The following PARG variants were observed in gnomAD, a reference collection of about 807,000 sequenced individuals.
The protein encoded by PARG is mitochondrial poly(ADP-ribose) glycohydrolase.
PARG carries 35 observed loss-of-function variants against 113.0 expected under a neutral mutation model. The ratio of observed to expected loss-of-function variants is 0.31; its 90% confidence interval spans 0.24 to 0.41. PARG has a LOEUF of 0.41. Among genes scored for constraint, PARG ranks in the 10% least tolerant of loss-of-function variants. The probability of loss-of-function intolerance (pLI) is 1.00; values close to 1 mark genes in which losing one functional copy is unlikely to be tolerated. For missense variants in PARG, 797 were observed against 1,169.4 expected (o/e 0.68, Z 4.64); for synonymous variants, 330 against 409.9 (o/e 0.81, Z 2.36).
In PARG at chr10:49,893,992, C is replaced by T. The variant is rs538837260; in HGVS notation, c.1738-8697G>A. Among the ~76,000 whole-genome samples, 4 of 152,130 alleles carry T rather than the reference C, an allele frequency of 2.6e-5. No homozygotes were observed. In the South Asian group the frequency reaches 8.3e-4, roughly 32 times the overall value. On this transcript the variant is annotated intron_variant, in intron 7 of 17. Transcript: ENST00000616448. ...GGATTACAAGTGTGAGCCACCATGCCCGGCCTAATTTTTGGATTTTTAATA... is the reference window on the plus strand; with the variant it reads ...GGATTACAAGTGTGAGCCACCATGCTCGGCCTAATTTTTGGATTTTTAATA...
At chr10:49,903,333 C>A (rs1195523086) in intron 7 of PARG, among the ~76,000 whole-genome samples, 2 of 152,056 alleles carry the variant, frequency 1.3e-5, no homozygotes, top group Non-Finnish European at 2.9e-5. Flanking sequence ...CTGGCCTTAC[C>A]TTTTCTCTCT....
intron 9 of PARG, among the ~76,000 whole-genome samples, chr10:49,870,671 G>A (rs1395202437): frequency 6.6e-6 from 1 of 151,714 alleles, no homozygotes; most frequent in Admixed American, 6.6e-5. Flanking sequence ...GCATGCTTTT[G>A]AGCATAAGAT....
At chr10:49,897,394 C>G (rs1271862261) in intron 7 of PARG, among the ~76,000 whole-genome samples, 1 of 152,156 alleles carries the variant, frequency 6.6e-6, no homozygotes, top group Non-Finnish European at 1.5e-5. Context: ...CCCTGGGAAG[C>G]CTTCACTGAT....
At chr10:49,925,671 A>G (rs141789483) in intron 4 of PARG, among the ~76,000 whole-genome samples, 2,268 of 152,352 alleles carry the variant, frequency 0.015, 51 homozygotes, top group African/African-American at 0.05. Flanking sequence ...AAAAGGGAAG[A>G]ACTATGGAAA....
chr10:49,841,098 T>G (rs1301321409), intron 15 of PARG, among the ~76,000 whole-genome samples: 1 of 151,594 alleles, frequency 6.6e-6, no homozygotes, highest in African/African-American at 2.4e-5. Context: ...ACTAAAAATA[T>G]AAAAATTAGC....
At chr10:49,919,982 T>C (rs1186634980) in intron 6 of PARG, among the ~76,000 whole-genome samples, 1 of 152,132 alleles carries the variant, frequency 6.6e-6, no homozygotes, top group East Asian at 1.9e-4. Context: ...CAGCATACTA[T>C]TTTGGGGTTT....
In PARG at chr10:49,819,334, G is replaced by C. The variant is rs557191952; in HGVS notation, c.*6C>G. ...AGGTGGGAGGAGATGCTATTCGCTC[G>C]GCTCCTCAGGTCCCTGTCCTTTGCC... On this transcript the variant is annotated 3_prime_UTR_variant, in exon 18 of 18. Coordinates refer to ENST00000616448, the MANE Select transcript of PARG (RefSeq NM_003631.5). The C allele has an allele frequency of 3.6e-5, 55 of 1,548,328 alleles. No homozygotes were observed. In the Middle Eastern group the frequency reaches 8.4e-4, roughly 24 times the overall value.
intron 4 of PARG, among the ~76,000 whole-genome samples, chr10:49,927,161 G>C (rs1305220310): frequency 6.6e-6 from 1 of 151,964 alleles, no homozygotes; most frequent in African/African-American, 2.4e-5. Context: ...ACAAAAATTA[G>C]TTAGGCATTG....
intron 16 of PARG, among the ~76,000 whole-genome samples, chr10:49,831,137 A>G (rs1459802392): frequency 6.6e-6 from 1 of 152,190 alleles, no homozygotes; most frequent in Non-Finnish European, 1.5e-5. Flanking sequence ...AGTTACATAC[A>G]TTGCTACTGA....
intron 1 of PARG, among the ~76,000 whole-genome samples, chr10:49,940,506 TTTTTGTTTTG>T (rs1294850084): frequency 1.4e-4 from 21 of 147,414 alleles, no homozygotes; most frequent in African/African-American, 1.8e-4. Flanking sequence ...TGCACTCCTG[TTTTTGTTTTG>T]TTTTGTTTTG....
intron 15 of PARG, among the ~76,000 whole-genome samples, chr10:49,837,662 C>T (rs1346481410): frequency 1.3e-5 from 2 of 152,064 alleles, no homozygotes; most frequent in African/African-American, 4.8e-5. Context: ...GATTAAGTTG[C>T]CAATGACATT....
chr10:49,930,288 T>C (rs1470951960), intron 4 of PARG, among the ~76,000 whole-genome samples: 1 of 150,904 alleles, frequency 6.6e-6, no homozygotes, highest in Admixed American at 6.6e-5. Flanking sequence ...AGCACCTCTA[T>C]GTGGCACAAT....
In PARG at chr10:49,841,263, GAAAA is replaced by G. The variant is rs782019363; in HGVS notation, c.2541+683_2541+686del. On this transcript the variant is annotated intron_variant, in intron 15 of 17. Coordinates refer to ENST00000616448, the MANE Select transcript of PARG (RefSeq NM_003631.5). Reference sequence around the variant, plus strand: ...AGCGAAACTCCATCTCAAAAAAAAAGAAAAAAAGAAAAAAAAGAAAATCTCTGCT... The same window carrying G: ...AGCGAAACTCCATCTCAAAAAAAAAGAAAGAAAAAAAAGAAAATCTCTGCT... Among the ~76,000 whole-genome samples the G allele has an allele frequency of 7.3e-5, 11 of 150,642 alleles. No individual in the cohort carries two copies. The East Asian group carries it at 1.8e-3, about 24-fold the overall frequency.
intron 7 of PARG, among the ~76,000 whole-genome samples, chr10:49,910,268 C>T (rs375782137): frequency 2.0e-5 from 3 of 151,606 alleles, no homozygotes; most frequent in African/African-American, 4.9e-5. Flanking sequence ...ATAACTACAG[C>T]GAAGACAAAA....
At chr10:49,919,765 C>T (rs1368597174) in intron 6 of PARG, among the ~76,000 whole-genome samples, 1 of 152,080 alleles carries the variant, frequency 6.6e-6, no homozygotes, top group Non-Finnish European at 1.5e-5. Flanking sequence ...GATTTTTTTC[C>T]AGCTACTCAG....
intron 9 of PARG, among the ~76,000 whole-genome samples, chr10:49,869,951 CA>C (rs1222562349): frequency 2.0e-5 from 3 of 151,618 alleles, no homozygotes; most frequent in East Asian, 1.9e-4. Context: ...AAAACGGTAT[CA>C]AAAAAAATCC....
intron 6 of PARG, among the ~76,000 whole-genome samples, chr10:49,917,502 A>G (rs1320849630): frequency 2.0e-5 from 3 of 148,662 alleles, no homozygotes; most frequent in African/African-American, 7.5e-5. Flanking sequence ...AAAAAAAAAA[A>G]AAAAAGAAAA....
intron 7 of PARG, among the ~76,000 whole-genome samples, chr10:49,912,225 G>T (rs1837227076): frequency 6.6e-6 from 1 of 152,066 alleles, no homozygotes; most frequent in African/African-American, 2.4e-5. Context: ...GCTTGAACCT[G>T]GGAGGTGGAG....
chr10:49,867,790 G>T (rs1411236891), intron 10 of PARG, among the ~76,000 whole-genome samples: 2 of 151,220 alleles, frequency 1.3e-5, no homozygotes, highest in African/African-American at 4.9e-5. Flanking sequence ...CAAAGTATCT[G>T]AAATCCTAAA....
Sources: gnomAD v4.1 joint callset for allele counts (sites outside exome capture counted in the v4.1 genomes callset) on GRCh38, gnomAD v4.1.1 for gene constraint, MANE v1.5 for transcripts, NCBI Gene and HGNC (gene_info 2026-07-23, HGNC 2026-07-21) for gene names.